Variants in MYO5B observed in about 807,000 individuals in gnomAD.
MYO5B encodes the protein myosin VB, also known as unconventional myosin-Vb.
In MYO5B, 143 loss-of-function variants were observed where a neutral mutation model predicts 229.3. The observed-to-expected ratio is 0.62, with a 90% CI of 0.54 to 0.72. The LOEUF (loss-of-function observed/expected upper bound fraction) is 0.72, where lower values mean the gene tolerates loss of function less well. Ranked by LOEUF, MYO5B falls within the 30% of genes least tolerant of loss-of-function variation. MYO5B has a pLI of 0.00. For missense variants in MYO5B, 2,321 were observed against 2,331.0 expected (o/e 1.00, Z 0.09); for synonymous variants, 918 against 885.2 (o/e 1.04, Z -0.66).
intron 15 of MYO5B, 36 bp from the exon 16 acceptor site, chr18:49,936,385 A>G: frequency 6.8e-7 from 1 of 1,469,498 alleles, no homozygotes; most frequent in Non-Finnish European, 9.4e-7. Context: ...GTTAGTTTTA[A>G]CAAGTCGTGG....
chr18:50,019,726 G>C (rs185520198), intron 4 of MYO5B, among the ~76,000 whole-genome samples: 1 of 152,198 alleles, frequency 6.6e-6, no homozygotes. Flanking sequence ...TGGGAGTCTC[G>C]TACCTGGTGG....
chr18:50,191,584 C>G (rs2033227357), intron 1 of MYO5B, among the ~76,000 whole-genome samples: 1 of 152,190 alleles, frequency 6.6e-6, no homozygotes, highest in Non-Finnish European at 1.5e-5. Flanking sequence ...TTTTCTCCTA[C>G]AAGTATTGTC....
At chr18:50,125,137 C>G (rs2032138039) in intron 1 of MYO5B, among the ~76,000 whole-genome samples, 1 of 152,158 alleles carries the variant, frequency 6.6e-6, no homozygotes, top group African/African-American at 2.4e-5. Flanking sequence ...AGAGCGCAAA[C>G]CTACCTTTAC....
chr18:50,008,076 C>T (rs1310907120), intron 4 of MYO5B, among the ~76,000 whole-genome samples: 2 of 152,120 alleles, frequency 1.3e-5, no homozygotes, highest in African/African-American at 4.8e-5. Flanking sequence ...CTCTGTATTA[C>T]CATTACACTC....
At chr18:49,905,009 G>T (rs568006379) in intron 19 of MYO5B, among the ~76,000 whole-genome samples, 181 bp from the exon 20 acceptor site, 89 of 152,320 alleles carry the variant, frequency 5.8e-4, no homozygotes, top group African/African-American at 2.0e-3. Context: ...ATTTGACGTT[G>T]TGGCTAGAAA....
intron 1 of MYO5B, among the ~76,000 whole-genome samples, chr18:50,086,301 C>A (rs1026355276): frequency 3.3e-5 from 5 of 152,154 alleles, no homozygotes; most frequent in Non-Finnish European, 7.3e-5. Flanking sequence ...GTGATTCCCT[C>A]ATATCTATGT....
chr18:49,871,274 G>A (rs939551691), intron 27 of MYO5B, among the ~76,000 whole-genome samples: 2 of 152,192 alleles, frequency 1.3e-5, no homozygotes, highest in Non-Finnish European at 2.9e-5. Flanking sequence ...CAGAGGTTGG[G>A]GGAGGAGGAA....
intron 1 of MYO5B, among the ~76,000 whole-genome samples, chr18:50,121,406 G>A (rs1217538481): frequency 1.3e-5 from 2 of 152,186 alleles, no homozygotes; most frequent in African/African-American, 4.8e-5. Flanking sequence ...AAAATTCCAA[G>A]TCTTGTGTAT....
chr18:50,135,941 A>G (rs985758305), intron 1 of MYO5B, among the ~76,000 whole-genome samples: 5 of 152,354 alleles, frequency 3.3e-5, no homozygotes, highest in Non-Finnish European at 7.3e-5. Flanking sequence ...TTTCATCCAT[A>G]CAAAAACTCG....
chr18:49,910,812 T>A (rs979824099), intron 18 of MYO5B, among the ~76,000 whole-genome samples: 3 of 152,340 alleles, frequency 2.0e-5, no homozygotes, highest in African/African-American at 7.2e-5. Flanking sequence ...ACAGAAAACC[T>A]GAAAAATTAA....
At chr18:49,939,364 T>C (rs1240899164) in intron 14 of MYO5B, among the ~76,000 whole-genome samples, 1 of 152,094 alleles carries the variant, frequency 6.6e-6, no homozygotes, top group Non-Finnish European at 1.5e-5. Flanking sequence ...CAGGATGGTC[T>C]CGATCTCTTG....
chr18:50,011,235 G>A (rs548415074), intron 4 of MYO5B, among the ~76,000 whole-genome samples: 3 of 152,214 alleles, frequency 2.0e-5, no homozygotes, highest in South Asian at 2.1e-4. Context: ...CCAGCTACTC[G>A]GGAGGCTGAG....
At chr18:50,186,014 A>G (rs558173419) in intron 1 of MYO5B, among the ~76,000 whole-genome samples, 1 of 152,220 alleles carries the variant, frequency 6.6e-6, no homozygotes, top group African/African-American at 2.4e-5. Flanking sequence ...GGTACTTTAA[A>G]TTTTCTAATA....
chr18:50,067,868 C>T (rs72915750), intron 1 of MYO5B, among the ~76,000 whole-genome samples: 19,310 of 152,110 alleles, frequency 0.13, 1,359 homozygotes, highest in East Asian at 0.23. Flanking sequence ...CAACTAAAAA[C>T]GGACTAAGAC....
chr18:50,132,762 A>C (rs58074236), intron 1 of MYO5B, among the ~76,000 whole-genome samples: 3,522 of 152,354 alleles, frequency 0.023, 120 homozygotes, highest in African/African-American at 0.081. Context: ...AAACATAGTT[A>C]AGTGGGAGCA....
intron 16 of MYO5B, among the ~76,000 whole-genome samples, chr18:49,932,062 C>G (rs1401902769): frequency 1.3e-5 from 2 of 152,246 alleles, no homozygotes; most frequent in African/African-American, 2.4e-5. Flanking sequence ...GTCCCTTCTT[C>G]TTCCAGGACC....
At chr18:49,918,439 G>C (rs774977095) in intron 17 of MYO5B, among the ~76,000 whole-genome samples, 3 of 152,188 alleles carry the variant, frequency 2.0e-5, no homozygotes, top group East Asian at 1.9e-4. Context: ...GTAACCTAAG[G>C]TTCCCTTAGA....
At chr18:50,033,591 CCTGAGGTTGGAG>C (rs1444171176) in intron 4 of MYO5B, among the ~76,000 whole-genome samples, 1 of 151,994 alleles carries the variant, frequency 6.6e-6, no homozygotes, top group Non-Finnish European at 1.5e-5. Context: ...TGATGGAGGA[CCTGAGGTTGGAG>C]CTGAGGAAGG....
intron 25 of MYO5B, among the ~76,000 whole-genome samples, chr18:49,876,678 T>G (rs2024527568): frequency 6.6e-6 from 1 of 152,162 alleles, no homozygotes; most frequent in African/African-American, 2.4e-5. Context: ...AGCCTGGAGT[T>G]GAGGCTGACT....
Sources: gnomAD v4.1 joint callset for allele counts (sites outside exome capture counted in the v4.1 genomes callset) on GRCh38, gnomAD v4.1.1 for gene constraint, MANE v1.5 for transcripts, NCBI Gene and HGNC (gene_info 2026-07-23, HGNC 2026-07-21) for gene names.